Variants in MGAM observed in about 807,000 individuals in gnomAD.
MGAM encodes maltase-glucoamylase.
In MGAM, 253 loss-of-function variants were observed where a neutral mutation model predicts 358.8. The observed-to-expected ratio is 0.71, with a 90% CI of 0.64 to 0.78. MGAM has a LOEUF of 0.78. Ranked by LOEUF, MGAM falls within the 30% of genes least tolerant of loss-of-function variation. MGAM has a pLI of 0.00. For synonymous variants in MGAM, 1,105 were observed against 1,227.1 expected (o/e 0.90, Z 2.08); for missense variants, 3,080 against 3,432.6 (o/e 0.90, Z 2.57).
intron 21 of MGAM, among the ~76,000 whole-genome samples, chr7:142,044,269 CA>C (rs1809632749): frequency 1.1e-5 from 1 of 89,256 alleles, no homozygotes; most frequent in East Asian, 2.6e-4. Flanking sequence ...ATAATATATA[CA>C]TTATATACAC....
chr7:142,072,688 A>G (rs1309648447), intron 44 of MGAM, among the ~76,000 whole-genome samples: 1 of 145,982 alleles, frequency 6.9e-6, no homozygotes, highest in East Asian at 2.0e-4. Context: ...TAAGCATCTA[A>G]ATGTGGGTCT....
intron 2 of MGAM, among the ~76,000 whole-genome samples, chr7:141,989,561 T>C (rs2128969201): frequency 6.6e-6 from 1 of 151,944 alleles, no homozygotes; most frequent in Admixed American, 6.5e-5. Flanking sequence ...CTTTTTTTTT[T>C]TTTCGATTAT....
rs536822024 is a variant in MGAM at position 142,078,461 on chromosome 7, T to C, written c.5637T>C (p.Cys1879=). Residue 1879 remains cysteine (C), a synonymous_variant, in exon 48 of 71, where the codon TGT becomes TGC. Coordinates refer to ENST00000475668, the MANE Select transcript of MGAM (RefSeq NM_001365693.1). ...CAGAAAACTGCACTGCCCGTGGCTG[T>C]ATCTGGGAGGTAACCATGCTGATGG... ...DSAENCTARG[C]IWEASNSSGV... 6.5e-7 allele frequency: 1 copy of C among 1,543,726 alleles called. No homozygotes were observed. The highest frequency in any genetic ancestry group is 1.3e-5 in the African/African-American group (1 of 74,528).
intron 57 of MGAM, among the ~76,000 whole-genome samples, chr7:142,090,368 C>A (rs1340777733): frequency 6.9e-6 from 1 of 145,452 alleles, no homozygotes; most frequent in African/African-American, 2.4e-5. Flanking sequence ...CCACCCATCC[C>A]GTCGTTTCTA....
chr7:142,033,015 G>A, intron 14 of MGAM, 106 bp downstream of exon 14: 1 of 656,192 alleles, frequency 1.5e-6, no homozygotes, highest in South Asian at 2.8e-5. Context: ...TCATAATTGT[G>A]CATAGAAAAA....
At chr7:142,025,508 G>A (rs1806878458) in intron 8 of MGAM, among the ~76,000 whole-genome samples, 1 of 152,172 alleles carries the variant, frequency 6.6e-6, no homozygotes, top group Non-Finnish European at 1.5e-5. Flanking sequence ...GCAATGAATT[G>A]CCATAGGGGA....
chr7:142,063,605 C>A lies in MGAM; in HGVS notation c.4345+19C>A. On this transcript the variant is annotated intron_variant, in intron 36 of 70. Coordinates refer to ENST00000475668, the MANE Select transcript of MGAM (RefSeq NM_001365693.1). The stretch of plus-strand genomic sequence containing the variant: ...ATGCCACGTAAGAAGCCTTGGCCTC[C>A]TTGACTGGCAGAGCCATGACTGGAA... 6.2e-7 allele frequency: 1 copy of A among 1,610,636 alleles called. No individual in the cohort carries two copies. The highest frequency in any genetic ancestry group is 2.2e-5 in the East Asian group (1 of 44,738).
chr7:142,068,191 G>A lies in MGAM; in HGVS notation c.5005-456G>A, dbSNP rs1459227149. ...TTTTTGTATGTTTAGTAGAGATGGG[G>A]TTTCACTGTATTAGCCAGGATGGTC... On this transcript the variant is annotated intron_variant, in intron 42 of 70. Transcript: ENST00000475668. Among the ~76,000 whole-genome samples the A allele has an allele frequency of 2.2e-5, 3 of 134,960 alleles. 1 individual carries two copies. The highest frequency in any genetic ancestry group is 1.6e-4 in the Admixed American group (2 of 12,828). 88.5% of individuals were successfully genotyped at this position (134,960 alleles called of 152,430 possible).
chr7:142,090,237 C>T (rs144265137), intron 57 of MGAM, among the ~76,000 whole-genome samples: 9 of 145,834 alleles, frequency 6.2e-5, no homozygotes, highest in African/African-American at 1.9e-4. Context: ...AGGGGTCATC[C>T]GAGCAGTACT....
At position 142,052,353 on chromosome 7, in the gene MGAM, C is replaced by T. The variant is rs372838579; in HGVS notation, c.2865C>T (p.Ser955=). 4.3e-6 allele frequency: 7 copies of T among 1,610,630 alleles called. No homozygotes were observed. Among genetic ancestry groups the T allele is most frequent in the Non-Finnish European group, 5.9e-6 (7 of 1,178,340 alleles). ...LLGEAYTVEW[S]IKIRDEEKID... Reference sequence around the variant, plus strand: ...GAGAAGCATACACAGTGGAATGGAGCATAAAGATAAGGGATGAAGAAAAAA... The same window carrying T: ...GAGAAGCATACACAGTGGAATGGAGTATAAAGATAAGGGATGAAGAAAAAA... Residue 955 remains serine, a synonymous_variant, in exon 25 of 71, where the codon AGC becomes AGT. Transcript: ENST00000475668.
intron 42 of MGAM, among the ~76,000 whole-genome samples, chr7:142,067,944 ATAT>A: frequency 5.4e-5 from 2 of 36,966 alleles, no homozygotes; most frequent in East Asian, 1.7e-3. Flanking sequence ...AAATATATAT[ATAT>A]ATATATATAT....
In MGAM at chr7:142,021,720, A is replaced by G. The variant is rs370942363; in HGVS notation, c.693A>G (p.Arg231=). ...RQPFSIKVTR[R]SNNRVLFDSS... ...CATTTAGCATCAAAGTGACCAGAAG[A>G]AGCAACAATCGTGTTTTGTAAGTTT... The change falls in exon 6 of 71, where the codon AGA becomes AGG. Residue 231 remains arginine (R), a synonymous_variant. Coordinates refer to ENST00000475668, the MANE Select transcript of MGAM (RefSeq NM_001365693.1). 5.0e-6 allele frequency: 8 copies of G among 1,613,830 alleles called. No individual in the cohort carries two copies. Among genetic ancestry groups the G allele is most frequent in the Non-Finnish European group, 6.8e-6 (8 of 1,179,826 alleles).
At chr7:141,992,011 T>C (rs1277860841), upstream of MGAM, among the ~76,000 whole-genome samples, 1 of 152,140 alleles carries the variant, frequency 6.6e-6, no homozygotes, top group Non-Finnish European at 1.5e-5. Context: ...TTTGTAAACA[T>C]GAATGACTGC....
At position 142,064,454 on chromosome 7, in the gene MGAM, C is replaced by G. The variant is rs751737247; in HGVS notation, c.4416C>G (p.Asp1472Glu). ...LCMESQQILPDGSLVQHYNVH... is the reference protein window; with the variant it reads ...LCMESQQILPEGSLVQHYNVH... ...TGGAGAGTCAGCAGATCCTCCCAGA[C>G]GGCTCCCTGGTGCAGCACTACAACG... The change falls in exon 37 of 71, where the codon GAC (aspartate) becomes GAG (glutamate). Residue 1472 changes from aspartate (D) to glutamate (E), a missense_variant. Coordinates refer to ENST00000475668, the MANE Select transcript of MGAM (RefSeq NM_001365693.1). 3 of 1,598,764 alleles carry G rather than the reference C, an allele frequency of 1.9e-6. No individual in the cohort carries two copies. Among genetic ancestry groups the G allele is most frequent in the African/African-American group, 1.3e-5 (1 of 74,646 alleles).
chr7:142,059,885 G>A lies in MGAM; in HGVS notation c.3978G>A (p.Gln1326=). ...LDPAISGNET[Q]PYPAFTRGVE... Reference sequence around the variant, plus strand: ...CAGCCATTTCTGGCAATGAGACACAGCCTTATCCTGCCTTCACTCGGGGCG... The same window carrying A: ...CAGCCATTTCTGGCAATGAGACACAACCTTATCCTGCCTTCACTCGGGGCG... Residue 1326 remains glutamine (Q), a synonymous_variant, in exon 33 of 71, where the codon CAG becomes CAA. Transcript: ENST00000475668. 1.2e-6 allele frequency: 2 copies of A among 1,610,998 alleles called. No homozygotes were observed. The highest frequency in any genetic ancestry group is 2.2e-5 in the South Asian group (2 of 90,238).
intron 3 of MGAM, among the ~76,000 whole-genome samples, chr7:142,017,055 ATTCT>A (rs1218943277): frequency 6.6e-6 from 1 of 152,090 alleles, no homozygotes; most frequent in Non-Finnish European, 1.5e-5. Context: ...GACATGACAC[ATTCT>A]TTCTAAGGTC....
At chr7:142,025,471 CA>C (rs1806875618) in intron 8 of MGAM, among the ~76,000 whole-genome samples, 1 of 152,196 alleles carries the variant, frequency 6.6e-6, no homozygotes, top group Non-Finnish European at 1.5e-5. Context: ...TCTCCGTCTT[CA>C]GCCCTGTAGT....
At chr7:141,988,327 T>G (rs1803798793) in intron 2 of MGAM, among the ~76,000 whole-genome samples, 1 of 151,348 alleles carries the variant, frequency 6.6e-6, no homozygotes, top group Admixed American at 6.6e-5. Flanking sequence ...AAAGGTACTC[T>G]GAAAACTGCA....
rs1346175320 is a variant in MGAM, at chr7:142,083,400, A to G, written c.6368A>G (p.Gln2123Arg). The stretch of plus-strand genomic sequence containing the variant: ...GGGCCAACTCCAGAGCTTGTCACCC[A>G]GCAGTACACTGAGGTAGGGAGAAAT... ...FLGPTPELVT[Q>R]QYTELIGRPV... is the part of the protein sequence containing the mutation. Residue 2123 changes from glutamine (Q) to arginine (R), a missense_variant, in exon 53 of 71, where the codon CAG becomes CGG. This residue lies in a region of MGAM where 932 missense variants were observed against 1,198.2 expected (regional missense o/e 0.78). Transcript: ENST00000475668. 3 of 1,548,486 alleles carry G rather than the reference A, an allele frequency of 1.9e-6. No individual in the cohort carries two copies. The East Asian group carries it at 6.8e-5, about 35-fold the overall frequency.
Sources: gnomAD v4.1 joint callset for allele counts (sites outside exome capture counted in the v4.1 genomes callset) on GRCh38, gnomAD v4.1.1 for gene constraint, gnomAD v4.1.1 regional missense constraint, MANE v1.5 for transcripts, NCBI Gene and HGNC (gene_info 2026-07-23, HGNC 2026-07-21) for gene names.